The following EPHA5 variants were observed in gnomAD, a reference collection of about 807,000 sequenced individuals.
EPHA5 encodes EPH receptor A5.
Under a neutral mutation model 105.0 loss-of-function variants are expected in EPHA5, and 60 were observed. The ratio of observed to expected loss-of-function variants is 0.57; its 90% confidence interval spans 0.46 to 0.71. The LOEUF (loss-of-function observed/expected upper bound fraction) is 0.71. Among genes scored for constraint, EPHA5 ranks in the 30% least tolerant of loss-of-function variants. The pLI, the probability that EPHA5 is intolerant of heterozygous loss-of-function variation, is 0.00. For synonymous variants in EPHA5, 513 were observed against 449.1 expected, an observed-to-expected ratio of 1.14 and a Z score of -1.80; for missense variants, 1,218 against 1,274.7, an observed-to-expected ratio of 0.96 and a Z score of 0.68.
intron 1 of EPHA5, among the ~76,000 whole-genome samples, chr4:65,652,368 A>G (rs1298142216): frequency 6.6e-6 from 1 of 152,200 alleles, no homozygotes; most frequent in African/African-American, 2.4e-5. Context: ...CTGTAACATC[A>G]GTGACTGAAA....
intron 5 of EPHA5, among the ~76,000 whole-genome samples, chr4:65,477,244 A>T (rs918326888): frequency 3.3e-5 from 5 of 152,170 alleles, no homozygotes; most frequent in African/African-American, 4.8e-5. Context: ...ATCTAGGACA[A>T]TGATATAAGA....
Position 65,336,034 on chromosome 4 carries a change from T to C in EPHA5, c.2687A>G (p.Lys896Arg). Residue 896 changes from lysine to arginine, a missense_variant, in exon 15 of 17, where the codon AAA (lysine) becomes AGA (arginine). By Grantham distance (26) the Lys-to-Arg change is conservative. Coordinates refer to ENST00000613740, the MANE Select transcript of EPHA5 (RefSeq NM_001281766.3). Reference protein sequence around the residue: ...LYQLMLDCWQKERNSRPKFDE... With the variant: ...LYQLMLDCWQRERNSRPKFDE... ...AAACTTGGGCCTGCTATTTCGCTCT[T>C]TCTGCCAGCAATCCAGCATTAACTG... 6.2e-7 allele frequency: 1 copy of C among 1,613,412 alleles called. No individual in the cohort carries two copies. The highest frequency in any genetic ancestry group is 8.5e-7 in the Non-Finnish European group (1 of 1,179,622).
intron 3 of EPHA5, among the ~76,000 whole-genome samples, chr4:65,572,979 C>T (rs985308348): frequency 2.6e-5 from 4 of 151,784 alleles, no homozygotes; most frequent in Non-Finnish European, 5.9e-5. Context: ...TGCAGTAAGC[C>T]AAGATCATGC....
chr4:65,570,979 C>A (rs1240347286), intron 3 of EPHA5, among the ~76,000 whole-genome samples: 1 of 151,970 alleles, frequency 6.6e-6, no homozygotes, highest in South Asian at 2.1e-4. Context: ...CAAGAAAGAT[C>A]ATAGCAATCA....
intron 1 of EPHA5, among the ~76,000 whole-genome samples, chr4:65,649,948 T>C (rs1322730855): frequency 6.6e-6 from 1 of 152,194 alleles, no homozygotes. Flanking sequence ...TTTTGATCAA[T>C]GCCTCATTTT....
chr4:65,411,419 CAAT>C (rs1201654594), intron 7 of EPHA5, among the ~76,000 whole-genome samples: 1 of 151,932 alleles, frequency 6.6e-6, no homozygotes, highest in Non-Finnish European at 1.5e-5. Context: ...CAAAAAGTGT[CAAT>C]GTTTCATTAT....
chr4:65,413,594 A>G (rs1723115117), intron 7 of EPHA5, among the ~76,000 whole-genome samples: 1 of 152,196 alleles, frequency 6.6e-6, no homozygotes. Flanking sequence ...ACACACAGAC[A>G]CACATATATA....
intron 3 of EPHA5, among the ~76,000 whole-genome samples, chr4:65,544,459 AAG>A (rs1480102901): frequency 2.0e-5 from 3 of 152,096 alleles, no homozygotes; most frequent in Non-Finnish European, 4.4e-5. Context: ...TTATGTGGCC[AAG>A]AAACATATGA....
intron 8 of EPHA5, among the ~76,000 whole-genome samples, chr4:65,396,300 C>T (rs1010946914): frequency 4.6e-5 from 7 of 152,162 alleles, no homozygotes; most frequent in East Asian, 1.9e-4. Flanking sequence ...GGACTTAAGG[C>T]TAATTAAGGG....
At chr4:65,519,151 C>A (rs1317848259) in intron 3 of EPHA5, among the ~76,000 whole-genome samples, 1 of 152,034 alleles carries the variant, frequency 6.6e-6, no homozygotes, top group Non-Finnish European at 1.5e-5. Context: ...GGATGCAAGA[C>A]TGGTTCAACA....
intron 5 of EPHA5, among the ~76,000 whole-genome samples, chr4:65,481,039 T>G (rs1031209689): frequency 2.6e-5 from 4 of 152,150 alleles, no homozygotes; most frequent in African/African-American, 9.7e-5. Context: ...GGCATGCAGC[T>G]CATTGCTTGT....
intron 3 of EPHA5, among the ~76,000 whole-genome samples, chr4:65,601,191 G>T (rs1418905925): frequency 2.0e-5 from 3 of 152,150 alleles, no homozygotes; most frequent in Non-Finnish European, 4.4e-5. Flanking sequence ...TTTTTCTGAA[G>T]AATTTTTAAA....
At chr4:65,462,751 C>T (rs1055162028) in intron 5 of EPHA5, among the ~76,000 whole-genome samples, 3 of 152,140 alleles carry the variant, frequency 2.0e-5, no homozygotes, top group Non-Finnish European at 4.4e-5. Context: ...ATCCCTTCTA[C>T]AACACTCCAT....
chr4:65,465,114 G>A (rs567804029), intron 5 of EPHA5, among the ~76,000 whole-genome samples: 22 of 152,074 alleles, frequency 1.4e-4, no homozygotes, highest in South Asian at 4.2e-4. Context: ...ACAGCTTCCC[G>A]AAAGGAGTCA....
chr4:65,555,504 G>A lies in EPHA5; in HGVS notation c.910+46137C>T, dbSNP rs117917216. Among the ~76,000 whole-genome samples the A allele has an allele frequency of 3.4e-4, 51 of 149,676 alleles. 1 individual carries two copies. The East Asian group carries it at 9.8e-3, about 29-fold the overall frequency. ...TGTACTGCAAACACCCATGACACAA[G>A]TTTACCTATGTAACAATCCTGCATA... On this transcript the variant is annotated intron_variant, in intron 3 of 16. Transcript: ENST00000613740.
At chr4:65,395,704 A>G (rs1721160015) in intron 8 of EPHA5, among the ~76,000 whole-genome samples, 1 of 152,234 alleles carries the variant, frequency 6.6e-6, no homozygotes. Flanking sequence ...GTCCAGGTAC[A>G]TGATTTGAAC....
At chr4:65,583,765 TG>T (rs1741866515) in intron 3 of EPHA5, among the ~76,000 whole-genome samples, 1 of 151,696 alleles carries the variant, frequency 6.6e-6, no homozygotes, top group Admixed American at 6.6e-5. Flanking sequence ...AACATATCTT[TG>T]TTATTGTTTT....
intron 11 of EPHA5, among the ~76,000 whole-genome samples, chr4:65,355,572 C>T (rs894258830): frequency 2.0e-5 from 3 of 151,506 alleles, no homozygotes; most frequent in Non-Finnish European, 4.4e-5. Context: ...AAGTCCTGTT[C>T]TTTCAAGAAT....
At chr4:65,391,144 T>C (rs1352938170) in intron 8 of EPHA5, among the ~76,000 whole-genome samples, 1 of 152,076 alleles carries the variant, frequency 6.6e-6, no homozygotes, top group Non-Finnish European at 1.5e-5. Context: ...TAGGGGAAAC[T>C]GCCCCCATGA....
Sources: allele counts gnomAD v4.1 joint callset (sites outside exome capture counted in the v4.1 genomes callset), GRCh38; gene constraint gnomAD v4.1.1; transcripts MANE v1.5; gene names NCBI Gene and HGNC (gene_info 2026-07-23, HGNC 2026-07-21).